Variants in CHSY1 observed in about 807,000 individuals in gnomAD.
CHSY1 encodes the protein N-acetylgalactosaminyl-proteoglycan 3-beta-glucuronosyltransferase 1.
CHSY1 carries 13 observed loss-of-function variants against 59.8 expected under a neutral mutation model. The observed-to-expected ratio is 0.22, with a 90% CI of 0.14 to 0.35. CHSY1 has a LOEUF of 0.35. CHSY1 is among the 10% of genes least tolerant of loss of function. The pLI is 1.00. For missense variants in CHSY1, 947 were observed against 1,030.6 expected (o/e 0.92, Z 1.11); for synonymous variants, 459 against 401.2 (o/e 1.14, Z -1.72).
At chr15:101,250,352 T>C (rs956261117) in intron 1 of CHSY1, among the ~76,000 whole-genome samples, 1 of 152,244 alleles carries the variant, frequency 6.6e-6, no homozygotes, top group Non-Finnish European at 1.5e-5. Flanking sequence ...AATCTGATTC[T>C]AACCATGCCA....
chr15:101,187,252 GC>G (rs2038382427), intron 2 of CHSY1, among the ~76,000 whole-genome samples: 1 of 152,216 alleles, frequency 6.6e-6, no homozygotes, highest in Non-Finnish European at 1.5e-5. Flanking sequence ...GCCGAGGCAG[GC>G]AGATCACTTG....
At chr15:101,188,979 T>C (rs1278844906) in intron 2 of CHSY1, among the ~76,000 whole-genome samples, 3 of 151,708 alleles carry the variant, frequency 2.0e-5, no homozygotes, top group Non-Finnish European at 2.9e-5. Context: ...CGTGGCAGCA[T>C]GATGCAGGAT....
intron 2 of CHSY1, among the ~76,000 whole-genome samples, chr15:101,198,154 TTGTGCTTAAGA>T (rs2038529225): frequency 6.6e-6 from 1 of 152,052 alleles, no homozygotes; most frequent in Middle Eastern, 3.2e-3. Flanking sequence ...CCCTTTTGGC[TTGTGCTTAAGA>T]CCTGGCTCTG....
At chr15:101,251,116 G>A (rs540428399) in intron 1 of CHSY1, 21 bp downstream of exon 1, 2 of 1,556,938 alleles carry the variant, frequency 1.3e-6, no homozygotes, top group East Asian at 2.4e-5. Context: ...AGGAGGCGGT[G>A]CCCGGGGAGC....
In CHSY1 at chr15:101,177,216, G is replaced by A; in HGVS notation, c.*172C>T. 1 of 618,346 alleles carries A rather than the reference G, an allele frequency of 1.6e-6. No individual in the cohort carries two copies. The allele number at this position is 618,346 out of a possible 1,614,324, so 38.3% of individuals were successfully genotyped here. ...TGTTCAGCAAGAAGATGTGTTCAAA[G>A]GCAAACACTGATCACCTTCTTGTTC... On this transcript the variant is annotated 3_prime_UTR_variant, in exon 3 of 3. Coordinates refer to ENST00000254190, the MANE Select transcript of CHSY1 (RefSeq NM_014918.5).
chr15:101,207,798 T>G (rs2038642280), intron 2 of CHSY1, among the ~76,000 whole-genome samples: 1 of 152,222 alleles, frequency 6.6e-6, no homozygotes, highest in Non-Finnish European at 1.5e-5. Flanking sequence ...ATTGAAAAGC[T>G]TATTTCAAGA....
At chr15:101,200,215 A>G (rs1024998880) in intron 2 of CHSY1, among the ~76,000 whole-genome samples, 1 of 152,246 alleles carries the variant, frequency 6.6e-6, no homozygotes, top group African/African-American at 2.4e-5. Context: ...TACTTCCAGA[A>G]TAACTTTTTT....
chr15:101,211,720 A>C (rs142869809), intron 2 of CHSY1, among the ~76,000 whole-genome samples: 166 of 152,304 alleles, frequency 1.1e-3, no homozygotes, highest in African/African-American at 3.8e-3. Flanking sequence ...CTATCAAGGG[A>C]GAAATAATCC....
chr15:101,208,565 T>A (rs1237968394), intron 2 of CHSY1, among the ~76,000 whole-genome samples: 1 of 151,874 alleles, frequency 6.6e-6, no homozygotes, highest in Non-Finnish European at 1.5e-5. Flanking sequence ...ATACAAAAAT[T>A]AGCCAGGTAT....
At chr15:101,231,099 G>A (rs1026928819) in intron 2 of CHSY1, among the ~76,000 whole-genome samples, 9 of 151,854 alleles carry the variant, frequency 5.9e-5, no homozygotes, top group African/African-American at 2.2e-4. Flanking sequence ...GAGGGGACAG[G>A]AGCTAGGGAT....
intron 2 of CHSY1, among the ~76,000 whole-genome samples, chr15:101,191,333 C>A (rs560161111): frequency 1.8e-4 from 28 of 152,304 alleles, no homozygotes; most frequent in African/African-American, 6.0e-4. Flanking sequence ...ACATACTGTA[C>A]GATTCCAACT....
At chr15:101,232,021 A>G (rs1401477233) in intron 2 of CHSY1, among the ~76,000 whole-genome samples, 1 of 152,176 alleles carries the variant, frequency 6.6e-6, no homozygotes, top group South Asian at 2.1e-4. Context: ...CAAAGTTCTC[A>G]AGGCTATTTT....
At position 101,178,273 on chromosome 15, in the gene CHSY1, T is replaced by C; in HGVS notation, c.1524A>G (p.Ser508=). ...NQESGSLSFL[S]NSLKKLVPFQ... ...AGGGGACGAGCTTCTTCAGGGAGTT[T>C]GAGAGAAAGGACAAGGATCCAGATT... Residue 508 remains serine, a synonymous_variant, in exon 3 of 3, where the codon TCA becomes TCG. Coordinates refer to ENST00000254190, the MANE Select transcript of CHSY1 (RefSeq NM_014918.5). The C allele has an allele frequency of 6.2e-7, 1 of 1,613,346 alleles. No individual in the cohort carries two copies. Among genetic ancestry groups the C allele is most frequent in the Non-Finnish European group, 8.5e-7 (1 of 1,179,288 alleles).
Position 101,190,928 on chromosome 15 carries a change from G to A in CHSY1, c.817-11948C>T, listed in dbSNP as rs546647610. 2.0e-5 allele frequency among the ~76,000 whole-genome samples: 3 copies of A among 151,912 alleles called. No homozygotes were observed. The Admixed American group carries it at 2.0e-4, about 10-fold the overall frequency. On this transcript the variant is annotated intron_variant, in intron 2 of 2. Transcript: ENST00000254190. ...GCCGAGAGGAGCGACGCGAAATGCTGGTGAGGACATGGAACAAGAGGGACT... is the reference window on the plus strand; with the variant it reads ...GCCGAGAGGAGCGACGCGAAATGCTAGTGAGGACATGGAACAAGAGGGACT...
intron 2 of CHSY1, among the ~76,000 whole-genome samples, chr15:101,216,844 T>C (rs1025295470): frequency 2.0e-5 from 3 of 152,162 alleles, no homozygotes; most frequent in African/African-American, 7.2e-5. Flanking sequence ...ACCCATGAAC[T>C]TTACAAAGCA....
At chr15:101,244,261 G>C (rs1335146733) in intron 1 of CHSY1, among the ~76,000 whole-genome samples, 1 of 152,120 alleles carries the variant, frequency 6.6e-6, no homozygotes, top group Non-Finnish European at 1.5e-5. Context: ...CAAAAGCTGA[G>C]GCCCCTGCAC....
chr15:101,177,775 G>C lies in CHSY1; in HGVS notation c.2022C>G (p.Pro674=). ...DPKIVYSGKV[P]SDNHFAFTQK... is the part of the protein sequence containing the mutation. The stretch of plus-strand genomic sequence containing the variant: ...GAGTAAAGGCAAAATGGTTGTCACT[G>C]GGAACTTTCCCACTATAAACAATCT... The change falls in exon 3 of 3, where the codon CCC becomes CCG. Residue 674 remains proline (P), a synonymous_variant. Coordinates refer to ENST00000254190, the MANE Select transcript of CHSY1 (RefSeq NM_014918.5). The C allele has an allele frequency of 6.2e-7, 1 of 1,614,192 alleles. No individual in the cohort carries two copies. Among genetic ancestry groups the C allele is most frequent in the Non-Finnish European group, 8.5e-7 (1 of 1,180,036 alleles).
rs1434866194 is a variant in CHSY1, at chr15:101,194,291, C to T, written c.817-15311G>A. ...AAAATTTCATTGGAGGTAAACCTGT[C>T]TCAACTAATTAAATGTCTCTACTCC... On this transcript the variant is annotated intron_variant, in intron 2 of 2. Coordinates refer to ENST00000254190, the MANE Select transcript of CHSY1 (RefSeq NM_014918.5). Among the ~76,000 whole-genome samples the T allele has an allele frequency of 2.0e-5, 3 of 152,230 alleles. No individual in the cohort carries two copies. In the South Asian group the frequency reaches 6.2e-4, roughly 32 times the overall value.
chr15:101,208,237 C>T (rs544881149), intron 2 of CHSY1, among the ~76,000 whole-genome samples: 6 of 152,272 alleles, frequency 3.9e-5, no homozygotes, highest in African/African-American at 1.4e-4. Flanking sequence ...GGCCAGCCAA[C>T]ACCCACAGCA....
Sources: gnomAD v4.1 joint callset for allele counts (sites outside exome capture counted in the v4.1 genomes callset) on GRCh38, gnomAD v4.1.1 for gene constraint, MANE v1.5 for transcripts, NCBI Gene and HGNC (gene_info 2026-07-23, HGNC 2026-07-21) for gene names.